Variants in RAD51B observed in about 807,000 individuals in gnomAD.
RAD51B encodes the protein DNA repair protein RAD51 homolog 2.
Under a neutral mutation model 42.2 loss-of-function variants are expected in RAD51B, and 38 were observed. That is an observed-to-expected ratio of 0.90 (90% CI 0.70 to 1.18). RAD51B has a LOEUF of 1.18. Ranked by LOEUF, RAD51B falls within the 50% of genes most tolerant of loss-of-function variation. The pLI is 0.00. For missense variants in RAD51B, 373 were observed against 400.7 expected (o/e 0.93, Z 0.59); for synonymous variants, 154 against 145.2 (o/e 1.06, Z -0.43).
chr14:68,324,906 C>T (rs1482038788), intron 8 of RAD51B, among the ~76,000 whole-genome samples: 1 of 152,238 alleles, frequency 6.6e-6, no homozygotes, highest in Admixed American at 6.5e-5. Flanking sequence ...CGGCTATCCC[C>T]TCCCCTAGCA....
In RAD51B at chr14:68,421,273, G is replaced by A. The variant is rs540483991; in HGVS notation, c.957+9746G>A. ...AAAGCAGGTCCAGCTTGGAGCATTC[G>A]TCTTCTGGCTGCTGTTGCTGGGGGA... On this transcript the variant is annotated intron_variant, in intron 9 of 10. Coordinates refer to ENST00000471583, the MANE Select transcript of RAD51B (RefSeq NM_133510.4). Among the ~76,000 whole-genome samples the A allele has an allele frequency of 2.6e-4, 39 of 152,144 alleles. No individual in the cohort carries two copies. The South Asian group carries it at 5.8e-3, about 23-fold the overall frequency.
At chr14:68,127,638 CACACACACACACACACAT>C (rs1299510945) in intron 7 of RAD51B, among the ~76,000 whole-genome samples, 113 of 146,374 alleles carry the variant, frequency 7.7e-4, no homozygotes, top group African/African-American at 2.7e-3. Context: ...CACACACACA[CACACACACACACACACAT>C]ACACACAGTA....
intron 7 of RAD51B, among the ~76,000 whole-genome samples, chr14:67,940,396 TA>T (rs2045157260): frequency 1.3e-5 from 2 of 152,032 alleles, no homozygotes; most frequent in South Asian, 4.1e-4. Flanking sequence ...CTGAATTTCT[TA>T]AAAGCTTTTG....
intron 8 of RAD51B, among the ~76,000 whole-genome samples, chr14:68,350,273 A>C (rs954610749): frequency 2.6e-5 from 4 of 152,246 alleles, no homozygotes; most frequent in African/African-American, 9.6e-5. Flanking sequence ...GAATCTGTCC[A>C]ACAAATTGCA....
intron 11 of RAD51B, chr14:68,682,825 C>G: frequency 1.6e-6 from 1 of 626,368 alleles, no homozygotes; most frequent in African/African-American, 2.1e-5. Context: ...GTTTGCAGCC[C>G]TGGAAATGGA....
At chr14:68,367,175 C>T (rs1312759530) in intron 8 of RAD51B, among the ~76,000 whole-genome samples, 1 of 152,116 alleles carries the variant, frequency 6.6e-6, no homozygotes, top group Non-Finnish European at 1.5e-5. Context: ...GCAGGCAACC[C>T]GAAAGCCTCT....
chr14:68,249,760 G>C (rs1296745168), intron 7 of RAD51B, among the ~76,000 whole-genome samples: 2 of 152,232 alleles, frequency 1.3e-5, no homozygotes, highest in Non-Finnish European at 2.9e-5. Context: ...AAATGACCAA[G>C]TGAGTCATGG....
chr14:68,218,612 A>T (rs1326521146), intron 7 of RAD51B, among the ~76,000 whole-genome samples: 1 of 152,258 alleles, frequency 6.6e-6, no homozygotes. Flanking sequence ...GAAACTTCAA[A>T]TGCATAATTA....
At chr14:68,111,165 G>A (rs948172469) in intron 7 of RAD51B, among the ~76,000 whole-genome samples, 3 of 151,924 alleles carry the variant, frequency 2.0e-5, no homozygotes, top group Non-Finnish European at 1.5e-5. Context: ...TCACCATTTC[G>A]GCAGGACAGT....
intron 4 of RAD51B, among the ~76,000 whole-genome samples, chr14:67,849,335 G>A (rs1214421023): frequency 6.6e-6 from 1 of 151,950 alleles, no homozygotes; most frequent in Non-Finnish European, 1.5e-5. Flanking sequence ...CAGCTGGAGT[G>A]CAATGGCGCA....
intron 7 of RAD51B, among the ~76,000 whole-genome samples, chr14:68,238,347 C>A (rs2080310474): frequency 6.6e-6 from 1 of 152,114 alleles, no homozygotes; most frequent in Non-Finnish European, 1.5e-5. Context: ...GTCGCCCCAG[C>A]TGGAGTACAG....
chr14:67,853,238 C>G (rs994344494), intron 4 of RAD51B, among the ~76,000 whole-genome samples: 2 of 152,186 alleles, frequency 1.3e-5, no homozygotes, highest in Non-Finnish European at 2.9e-5. Flanking sequence ...TACTCCCAAC[C>G]TCCAGATAAG....
chr14:68,068,622 G>A (rs771554695), intron 7 of RAD51B, among the ~76,000 whole-genome samples: 11 of 152,216 alleles, frequency 7.2e-5, no homozygotes, highest in Middle Eastern at 3.4e-3. Context: ...ATTCTCTTGG[G>A]TGTATAGCTG....
chr14:68,438,527 A>G (rs1322943083), intron 9 of RAD51B, among the ~76,000 whole-genome samples: 4 of 152,188 alleles, frequency 2.6e-5, no homozygotes, highest in African/African-American at 9.7e-5. Flanking sequence ...TCCAGGCCTC[A>G]ATGACTGCCA....
chr14:67,872,923 T>G lies in RAD51B; in HGVS notation c.452+7784T>G, dbSNP rs143738158. Among the ~76,000 whole-genome samples the G allele has an allele frequency of 9.7e-3, 1,470 of 152,294 alleles. 25 individuals carry two copies. Among genetic ancestry groups the G allele is most frequent in the African/African-American group, 0.033 (1,368 of 41,552 alleles). ...GAAACTGGATGCCTTCCTTACACCT[T>G]ATACAAAAATCAATTCAAGATGGAT... On this transcript the variant is annotated intron_variant, in intron 5 of 10. Coordinates refer to ENST00000471583, the MANE Select transcript of RAD51B (RefSeq NM_133510.4).
At chr14:67,930,231 G>A (rs1225270457) in intron 7 of RAD51B, among the ~76,000 whole-genome samples, 1 of 151,796 alleles carries the variant, frequency 6.6e-6, no homozygotes, top group African/African-American at 2.4e-5. Flanking sequence ...ATTGTTAATT[G>A]TTTGCTGGTT....
intron 9 of RAD51B, among the ~76,000 whole-genome samples, chr14:68,449,873 A>G (rs1342569053): frequency 1.3e-5 from 2 of 152,150 alleles, no homozygotes; most frequent in African/African-American, 4.8e-5. Context: ...CCTTGTGATT[A>G]GAAGAACTCG....
intron 10 of RAD51B, among the ~76,000 whole-genome samples, chr14:68,549,442 G>GTT (rs1888410087): frequency 1.2e-5 from 1 of 82,132 alleles, no homozygotes; most frequent in Non-Finnish European, 2.7e-5. Flanking sequence ...TTGAGACGGA[G>GTT]TTTCGCTCTG....
chr14:67,892,292 A>G lies in RAD51B; in HGVS notation c.756+5088A>G, dbSNP rs148049186. Among the ~76,000 whole-genome samples, 1,010 of 152,332 alleles carry G rather than the reference A, an allele frequency of 6.6e-3. 2 individuals are homozygous for G. The highest frequency in any genetic ancestry group is 0.02 in the Middle Eastern group (6 of 294). On this transcript the variant is annotated intron_variant, in intron 7 of 10. Coordinates refer to ENST00000471583, the MANE Select transcript of RAD51B (RefSeq NM_133510.4). ...GTGAAAATAATTCTAGAAAAAGTGT[A>G]TCTTTCTTTTATGTAGCTCTTTATG...
Sources: gnomAD v4.1 joint callset for allele counts (sites outside exome capture counted in the v4.1 genomes callset) on GRCh38, gnomAD v4.1.1 for gene constraint, MANE v1.5 for transcripts, NCBI Gene and HGNC (gene_info 2026-07-23, HGNC 2026-07-21) for gene names.